The following SPTLC2 variants were observed in gnomAD, a reference collection of about 807,000 sequenced individuals.
The protein encoded by SPTLC2 is serine palmitoyltransferase long chain base subunit 2.
SPTLC2 carries 21 observed loss-of-function variants against 62.0 expected under a neutral mutation model. That is an observed-to-expected ratio of 0.34 (90% CI 0.24 to 0.49). The LOEUF is 0.49. Ranked by LOEUF, SPTLC2 falls within the 20% of genes least tolerant of loss-of-function variation. The probability of loss-of-function intolerance (pLI) is 0.99; values close to 1 mark genes in which losing one functional copy is unlikely to be tolerated. For missense variants in SPTLC2, 511 were observed against 713.0 expected (o/e 0.72, Z 3.23); for synonymous variants, 261 against 261.8 (o/e 1.00, Z 0.03).
chr14:77,557,389 G>A (rs952705177), intron 6 of SPTLC2: 2 of 509,496 alleles, frequency 3.9e-6, no homozygotes, highest in African/African-American at 1.9e-5. Flanking sequence ...GGCTAACTCA[G>A]TTCATTAGCT....
At chr14:77,581,691 T>C (rs1377950332) in intron 2 of SPTLC2, among the ~76,000 whole-genome samples, 2 of 151,744 alleles carry the variant, frequency 1.3e-5, no homozygotes, top group Non-Finnish European at 2.9e-5. Flanking sequence ...GGATTAAAGG[T>C]GTGAGCCACC....
chr14:77,612,560 T>C (rs1474273336), intron 1 of SPTLC2, among the ~76,000 whole-genome samples: 2 of 152,248 alleles, frequency 1.3e-5, no homozygotes, highest in Non-Finnish European at 2.9e-5. Context: ...AGGTATCTTA[T>C]CAGGATCTGC....
Position 77,555,401 on chromosome 14 carries a change from C to T in SPTLC2, c.1075G>A (p.Val359Met), listed in dbSNP as rs267607090. 3.7e-6 allele frequency: 6 copies of T among 1,614,218 alleles called. No homozygotes were observed. The highest frequency in any genetic ancestry group is 5.1e-6 in the Non-Finnish European group (6 of 1,180,040). Residue 359 changes from valine to methionine, a missense_variant, in exon 8 of 12, where the codon GTG becomes ATG. Transcript: ENST00000216484. ...GGATCCAGGCCAAAGTACTCCACCA[C>T]ACCCCGGCCTGTGGGGCCCAGGGCG... Reference protein sequence around the residue: ...IGALGPTGRGVVEYFGLDPED... With the variant: ...IGALGPTGRGMVEYFGLDPED...
At chr14:77,586,232 T>C (rs61455061) in intron 2 of SPTLC2, among the ~76,000 whole-genome samples, 8,653 of 151,972 alleles carry the variant, frequency 0.057, 264 homozygotes, top group Middle Eastern at 0.12. Context: ...TGCACCACCA[T>C]ATCCCGCTAA....
In SPTLC2 at chr14:77,506,360, G is replaced by C. The variant is rs2139984788; in HGVS notation, c.*5924C>G. 6.6e-6 allele frequency: 1 copy of C among 152,294 alleles called. No individual in the cohort carries two copies. The highest frequency in any genetic ancestry group is 2.1e-4 in the South Asian group (1 of 4,824). 9.4% of individuals were successfully genotyped at this position (152,294 alleles called of 1,614,324 possible). ...GCAAATTCCAGTTTACAGGTAACTT[G>C]GTCAGGGGAAAAATATGGGTCAACG... is the stretch of plus-strand genomic sequence containing the variant. On this transcript the variant is annotated 3_prime_UTR_variant, in exon 12 of 12. Coordinates refer to ENST00000216484, the MANE Select transcript of SPTLC2 (RefSeq NM_004863.4).
intron 9 of SPTLC2, among the ~76,000 whole-genome samples, chr14:77,546,046 T>C (rs548588153): frequency 1.3e-5 from 2 of 152,340 alleles, no homozygotes; most frequent in Non-Finnish European, 2.9e-5. Context: ...GGCTGATTAC[T>C]CACAATTAAA....
chr14:77,529,620 C>CTTTCTTTTTTTTTTTTTTTT lies in SPTLC2; in HGVS notation c.1304-8040_1304-8039insAAAAAAAAAAAAAAAAGAAA, dbSNP rs1555373703. On this transcript the variant is annotated intron_variant, in intron 9 of 11. Transcript: ENST00000216484. ...TTCTAGGAAAGCAATTTCTTTCTTT[C>CTTTCTTTTTTTTTTTTTTTT]TTTTTTTTTTTTTTTTTTTTTTGAG... is the stretch of plus-strand genomic sequence containing the variant. Among the ~76,000 whole-genome samples, 91 of 76,056 alleles carry CTTTCTTTTTTTTTTTTTTTT rather than the reference C, an allele frequency of 1.2e-3. 4 individuals carry two copies. Among genetic ancestry groups the CTTTCTTTTTTTTTTTTTTTT allele is most frequent in the Non-Finnish European group, 2.1e-3 (78 of 36,816 alleles). The allele number at this position is 76,056 out of a possible 152,430, so 49.9% of individuals were successfully genotyped here. A position where few individuals can be genotyped will look rare whatever the true frequency, so the allele number is the denominator to read the frequency against.
chr14:77,580,041 A>G (rs2079739498), intron 2 of SPTLC2, among the ~76,000 whole-genome samples: 1 of 152,230 alleles, frequency 6.6e-6, no homozygotes, highest in Non-Finnish European at 1.5e-5. Context: ...AGATTAGGGG[A>G]AATGCCATAA....
At chr14:77,606,087 T>C (rs2079903279) in intron 1 of SPTLC2, among the ~76,000 whole-genome samples, 1 of 152,214 alleles carries the variant, frequency 6.6e-6, no homozygotes, top group African/African-American at 2.4e-5. Flanking sequence ...GTTCCAGCAT[T>C]TTGGGAGGCC....
At chr14:77,611,472 A>G (rs1216810363) in intron 1 of SPTLC2, among the ~76,000 whole-genome samples, 7 of 151,612 alleles carry the variant, frequency 4.6e-5, no homozygotes, top group African/African-American at 1.2e-4. Context: ...AAAAAAAAAA[A>G]AAAGAAAGAA....
chr14:77,528,677 A>G (rs28584839), intron 9 of SPTLC2, among the ~76,000 whole-genome samples: 24,292 of 152,252 alleles, frequency 0.16, 2,148 homozygotes, highest in Middle Eastern at 0.23. Flanking sequence ...GCAGGATAAA[A>G]TATGGAAAAA....
intron 4 of SPTLC2, among the ~76,000 whole-genome samples, chr14:77,574,883 A>G (rs1160063873): frequency 6.6e-6 from 1 of 152,206 alleles, no homozygotes; most frequent in Non-Finnish European, 1.5e-5. Context: ...TGAGTATAGC[A>G]TTTCTTTTAG....
At chr14:77,557,019 A>G (rs199957958) in intron 7 of SPTLC2, 22 bp downstream of exon 7, 1 of 1,598,208 alleles carries the variant, frequency 6.3e-7, no homozygotes, top group South Asian at 1.1e-5. Flanking sequence ...TCACAAAGGT[A>G]AGAATAATAA....
chr14:77,604,866 CAAAAAAAAAAA>C (rs35580409), intron 1 of SPTLC2, among the ~76,000 whole-genome samples: 3 of 94,190 alleles, frequency 3.2e-5, no homozygotes, highest in African/African-American at 1.3e-4. Flanking sequence ...GACTCTTTCT[CAAAAAAAAAAA>C]AAAAAAAAAG....
chr14:77,610,375 C>A (rs1055109166), intron 1 of SPTLC2, among the ~76,000 whole-genome samples: 3 of 152,162 alleles, frequency 2.0e-5, no homozygotes, highest in African/African-American at 7.2e-5. Flanking sequence ...CTCCTGACCT[C>A]AAGTGATCCG....
chr14:77,614,465 C>A (rs1319664654), intron 1 of SPTLC2, among the ~76,000 whole-genome samples: 2 of 151,778 alleles, frequency 1.3e-5, no homozygotes, highest in Non-Finnish European at 2.9e-5. Context: ...GAAATCAAGA[C>A]CATCCTGGCT....
At chr14:77,609,727 C>CA (rs76692421) in intron 1 of SPTLC2, among the ~76,000 whole-genome samples, 70 of 142,718 alleles carry the variant, frequency 4.9e-4, no homozygotes, top group African/African-American at 5.4e-4. Flanking sequence ...GACTCTGTCT[C>CA]AAAAAAAAAA....
In SPTLC2 at chr14:77,511,872, G is replaced by A. The variant is rs1448510908; in HGVS notation, c.*412C>T. The A allele has an allele frequency of 1.6e-5, 4 of 257,710 alleles. No homozygotes were observed. Among genetic ancestry groups the A allele is most frequent in the Non-Finnish European group, 3.1e-5 (4 of 131,032 alleles). 16.0% of individuals were successfully genotyped at this position (257,710 alleles called of 1,614,324 possible). On this transcript the variant is annotated 3_prime_UTR_variant, in exon 12 of 12. Coordinates refer to ENST00000216484, the MANE Select transcript of SPTLC2 (RefSeq NM_004863.4). ...GAAGGCACTTGCTCCCTAGGGAGGA[G>A]GGCCAGGTAAGTATCCAGGCTGCGG...
At chr14:77,533,115 T>C (rs927639524) in intron 9 of SPTLC2, among the ~76,000 whole-genome samples, 1 of 151,982 alleles carries the variant, frequency 6.6e-6, no homozygotes, top group Non-Finnish European at 1.5e-5. Flanking sequence ...TTGACCAACA[T>C]GGTGAAACCC....
Sources: gnomAD v4.1 joint callset for allele counts (sites outside exome capture counted in the v4.1 genomes callset) on GRCh38, gnomAD v4.1.1 for gene constraint, MANE v1.5 for transcripts, NCBI Gene and HGNC (gene_info 2026-07-23, HGNC 2026-07-21) for gene names.